The following LRRC4C variants were observed in gnomAD, a reference collection of about 807,000 sequenced individuals.
The protein encoded by LRRC4C is leucine rich repeat containing 4C, also known as leucine-rich repeat-containing protein 4C.
LRRC4C carries 5 observed loss-of-function variants against 33.6 expected under a neutral mutation model. The observed-to-expected ratio is 0.15, with a 90% confidence interval of 0.08 to 0.31. The LOEUF (loss-of-function observed/expected upper bound fraction) is 0.31, where lower values mean the gene tolerates loss of function less well. Ranked by LOEUF, LRRC4C falls within the 10% of genes least tolerant of loss-of-function variation. The pLI is 1.00. For missense variants in LRRC4C, 560 were observed against 796.7 expected, an observed-to-expected ratio of 0.70 and a Z score of 3.58; for synonymous variants, 329 against 302.0, an observed-to-expected ratio of 1.09 and a Z score of -0.93.
chr11:40,259,331 G>C (rs1051908306), intron 4 of LRRC4C, among the ~76,000 whole-genome samples: 3 of 151,546 alleles, frequency 2.0e-5, no homozygotes, highest in Non-Finnish European at 4.4e-5. Context: ...AGATGAGTAG[G>C]TTGCAAAAAT....
At chr11:41,056,186 C>T (rs373138951) in intron 1 of LRRC4C, among the ~76,000 whole-genome samples, 1 of 152,144 alleles carries the variant, frequency 6.6e-6, no homozygotes. Context: ...ACATTCGCAC[C>T]CTTCCAAGCT....
intron 3 of LRRC4C, among the ~76,000 whole-genome samples, chr11:40,597,431 C>G (rs181284219): frequency 7.2e-5 from 11 of 152,232 alleles, no homozygotes; most frequent in African/African-American, 2.6e-4. Context: ...GGAATATTGT[C>G]CAAATTATTC....
intron 5 of LRRC4C, among the ~76,000 whole-genome samples, chr11:40,239,508 G>A (rs1301714141): frequency 2.0e-5 from 3 of 152,136 alleles, no homozygotes; most frequent in African/African-American, 4.8e-5. Context: ...TGCAATATGT[G>A]AAGGAAAAAG....
chr11:40,259,218 A>G (rs1329268125), intron 4 of LRRC4C, among the ~76,000 whole-genome samples: 1 of 152,066 alleles, frequency 6.6e-6, no homozygotes, highest in Non-Finnish European at 1.5e-5. Flanking sequence ...TCTTTTGAGA[A>G]GTGTCTGTTC....
At chr11:40,193,608 G>C (rs994499936) in intron 5 of LRRC4C, among the ~76,000 whole-genome samples, 1 of 152,134 alleles carries the variant, frequency 6.6e-6, no homozygotes, top group African/African-American at 2.4e-5. Flanking sequence ...GAATGAGTAT[G>C]ACTAATTGAC....
chr11:41,062,930 T>TGAGAGA (rs149010920), intron 1 of LRRC4C, among the ~76,000 whole-genome samples: 2 of 148,394 alleles, frequency 1.3e-5, no homozygotes, highest in Non-Finnish European at 3.0e-5. Flanking sequence ...CCACCAGAAA[T>TGAGAGA]GAGAGAGAGA....
At chr11:40,993,061 A>T (rs1853694361) in intron 1 of LRRC4C, among the ~76,000 whole-genome samples, 2 of 152,200 alleles carry the variant, frequency 1.3e-5, no homozygotes, top group Admixed American at 1.3e-4. Context: ...GAACTATGGC[A>T]ATTAAAATAA....
intron 3 of LRRC4C, among the ~76,000 whole-genome samples, chr11:40,449,599 T>C (rs369019352): frequency 1.6e-4 from 24 of 152,274 alleles, no homozygotes; most frequent in East Asian, 7.7e-4. Context: ...GAATCAAGTT[T>C]TGACAACTAA....
chr11:40,137,269 T>A (rs996156724), intron 6 of LRRC4C, among the ~76,000 whole-genome samples: 1 of 152,176 alleles, frequency 6.6e-6, no homozygotes, highest in Non-Finnish European at 1.5e-5. Context: ...TCTCACACTT[T>A]CTCTTCCTAG....
chr11:40,161,972 T>C (rs1462717192), intron 5 of LRRC4C, among the ~76,000 whole-genome samples: 1 of 152,132 alleles, frequency 6.6e-6, no homozygotes, highest in African/African-American at 2.4e-5. Flanking sequence ...AAAATTTATT[T>C]CTCACAGTCC....
intron 2 of LRRC4C, among the ~76,000 whole-genome samples, chr11:40,857,161 A>C (rs1397301131): frequency 6.6e-6 from 1 of 152,206 alleles, no homozygotes; most frequent in African/African-American, 2.4e-5. Flanking sequence ...GAATAAAATA[A>C]TTTTACACTT....
intron 3 of LRRC4C, among the ~76,000 whole-genome samples, chr11:40,400,207 G>C (rs538685080): frequency 2.0e-5 from 3 of 152,196 alleles, no homozygotes; most frequent in Non-Finnish European, 4.4e-5. Context: ...GGCACACACA[G>C]AGGTTTCTCT....
chr11:40,262,454 C>G (rs1304365494), intron 4 of LRRC4C, among the ~76,000 whole-genome samples: 1 of 152,078 alleles, frequency 6.6e-6, no homozygotes, highest in African/African-American at 2.4e-5. Context: ...GCCAGAAATA[C>G]CATTTGACCC....
intron 1 of LRRC4C, among the ~76,000 whole-genome samples, chr11:41,126,794 T>G (rs1942764654): frequency 6.6e-6 from 1 of 151,968 alleles, no homozygotes; most frequent in Non-Finnish European, 1.5e-5. Context: ...TTCTGGACAA[T>G]CCAGCTGAGG....
intron 6 of LRRC4C, among the ~76,000 whole-genome samples, chr11:40,127,106 G>A (rs770688264): frequency 2.1e-4 from 32 of 151,560 alleles, no homozygotes; most frequent in Middle Eastern, 6.9e-3. Flanking sequence ...GTGAAACCCC[G>A]TCTCTACTAA....
At chr11:40,508,738 C>T (rs747211470) in intron 3 of LRRC4C, among the ~76,000 whole-genome samples, 20 of 152,002 alleles carry the variant, frequency 1.3e-4, no homozygotes, top group Non-Finnish European at 2.4e-4. Context: ...TGATTGGTTC[C>T]ACTGTCTTTC....
intron 4 of LRRC4C, among the ~76,000 whole-genome samples, chr11:40,244,693 T>C (rs1037411): frequency 0.77 from 116,994 of 151,820 alleles, 49,114 homozygotes; most frequent in East Asian, 0.95. Flanking sequence ...TATTAACCTG[T>C]GTTTTTTGAG....
At chr11:40,128,405 T>C (rs1856414208) in intron 6 of LRRC4C, among the ~76,000 whole-genome samples, 1 of 152,228 alleles carries the variant, frequency 6.6e-6, no homozygotes, top group Admixed American at 6.5e-5. Flanking sequence ...TCATTGTCTC[T>C]TTCTAGATTA....
intron 1 of LRRC4C, among the ~76,000 whole-genome samples, chr11:41,192,538 G>C (rs576730352): frequency 6.6e-6 from 1 of 151,720 alleles, no homozygotes; most frequent in African/African-American, 2.4e-5. Context: ...GTATCACCTG[G>C]TTATTACCAA....
Sources: allele counts gnomAD v4.1 joint callset (sites outside exome capture counted in the v4.1 genomes callset), GRCh38; gene constraint gnomAD v4.1.1; transcripts MANE v1.5; gene names NCBI Gene and HGNC (gene_info 2026-07-23, HGNC 2026-07-21).